ZC3H12B: variants seen among roughly 807,000 people sequenced by gnomAD.
ZC3H12B encodes zinc finger CCCH-type containing 12B.
In ZC3H12B, 7 loss-of-function variants were observed where a neutral mutation model predicts 43.9. The ratio of observed to expected loss-of-function variants is 0.16; its 90% CI spans 0.09 to 0.30. The LOEUF is 0.30. ZC3H12B is among the 10% of genes least tolerant of loss of function. The probability of loss-of-function intolerance (pLI) is 1.00; values close to 1 mark genes in which losing one functional copy is unlikely to be tolerated. For missense variants in ZC3H12B, 475 were observed against 670.2 expected (o/e 0.71, Z 3.22); for synonymous variants, 222 against 241.7 (o/e 0.92, Z 0.76).
intron 1 of ZC3H12B, among the ~76,000 whole-genome samples, chrX:65,490,046 A>G (rs754065249): frequency 8.9e-6 from 1 of 111,888 alleles, no homozygotes; most frequent in African/African-American, 3.2e-5. Context: ...TTCTGATTCC[A>G]ATGATGATCT....
chrX:65,448,829 G>T (rs978475683), intron 3 of ZC3H12B, among the ~76,000 whole-genome samples: 1 of 92,132 alleles, frequency 1.1e-5, no homozygotes, highest in Non-Finnish European at 2.1e-5. Flanking sequence ...AGAAGAAAAA[G>T]AAAGAAAGAG....
At chrX:65,445,692 G>A (rs1381929506) in intron 3 of ZC3H12B, among the ~76,000 whole-genome samples, 1 of 112,349 alleles carries the variant, frequency 8.9e-6, no homozygotes, top group Non-Finnish European at 1.9e-5. Context: ...GGGCTCTTTA[G>A]TTGGCAGTTG....
chrX:65,320,309 G>A, the ZC3H12B span, among the ~76,000 whole-genome samples: 1 of 111,109 alleles, frequency 9.0e-6, no homozygotes, highest in East Asian at 2.8e-4. Flanking sequence ...TCCACAAAAA[G>A]ATTAAAATAC....
At chrX:65,255,101 A>AAG in the ZC3H12B span, among the ~76,000 whole-genome samples, 1 of 111,822 alleles carries the variant, frequency 8.9e-6, no homozygotes, top group African/African-American at 3.2e-5. Flanking sequence ...AACGTCCCTG[A>AAG]AGAGAGAGAG....
At chrX:65,140,525 T>A in the ZC3H12B span, among the ~76,000 whole-genome samples, 1 of 112,045 alleles carries the variant, frequency 8.9e-6, no homozygotes, top group African/African-American at 3.2e-5. Flanking sequence ...TTTTTACATC[T>A]ATGTTCATCA....
the ZC3H12B span, among the ~76,000 whole-genome samples, chrX:65,240,744 G>A: frequency 8.9e-6 from 1 of 112,035 alleles, no homozygotes; most frequent in Non-Finnish European, 1.9e-5. Context: ...CCTATGAATG[G>A]GATATTTGTA....
chrX:65,122,357 G>A, the ZC3H12B span, among the ~76,000 whole-genome samples: 1 of 110,896 alleles, frequency 9.0e-6, no homozygotes, highest in Non-Finnish European at 1.9e-5. Context: ...TCACCACCAG[G>A]CCTGCCCTGA....
chrX:65,489,679 T>C (rs192991308), intron 1 of ZC3H12B, among the ~76,000 whole-genome samples: 25 of 112,121 alleles, frequency 2.2e-4, no homozygotes, highest in Admixed American at 1.9e-3. Flanking sequence ...GTTCCTTTTG[T>C]GGTCTGCTGT....
At chrX:65,094,998 G>T in the ZC3H12B span, among the ~76,000 whole-genome samples, 1 of 112,002 alleles carries the variant, frequency 8.9e-6, no homozygotes, top group African/African-American at 3.2e-5. Context: ...AATGAATGAA[G>T]TGAGCTTTTC....
chrX:65,369,411 T>C (rs1216291203), intron 2 of ZC3H12B, among the ~76,000 whole-genome samples: 1 of 111,972 alleles, frequency 8.9e-6, no homozygotes, highest in Non-Finnish European at 1.9e-5. Flanking sequence ...TTGCCTAAGA[T>C]CATATAGATA....
the ZC3H12B span, among the ~76,000 whole-genome samples, chrX:65,282,568 G>A: frequency 9.0e-6 from 1 of 110,656 alleles, no homozygotes; most frequent in Admixed American, 9.6e-5. Context: ...AACAGAATTC[G>A]TAGACAGCAA....
chrX:65,047,206 C>CA, the ZC3H12B span, among the ~76,000 whole-genome samples: 3 of 111,222 alleles, frequency 2.7e-5, no homozygotes, highest in Non-Finnish European at 3.8e-5. Flanking sequence ...AAACAAAAAA[C>CA]AAAAAACACA....
the ZC3H12B span, among the ~76,000 whole-genome samples, chrX:65,257,626 A>G: frequency 9.0e-6 from 1 of 111,215 alleles, no homozygotes; most frequent in African/African-American, 3.3e-5. Context: ...ACCTTTAAAA[A>G]AAAATAGACT....
chrX:65,124,964 T>A, the ZC3H12B span, among the ~76,000 whole-genome samples: 1 of 111,444 alleles, frequency 9.0e-6, no homozygotes, highest in East Asian at 2.8e-4. Flanking sequence ...TTTTGTAATT[T>A]TTTTGTTTTA....
At chrX:65,172,081 C>T in the ZC3H12B span, among the ~76,000 whole-genome samples, 1 of 112,518 alleles carries the variant, frequency 8.9e-6, no homozygotes, top group Non-Finnish European at 1.9e-5. Flanking sequence ...GTTGGAAATG[C>T]AGAAATCACT....
chrX:65,440,434 G>A (rs1233927693), intron 3 of ZC3H12B, among the ~76,000 whole-genome samples: 1 of 112,586 alleles, frequency 8.9e-6, no homozygotes. Context: ...ATCAAAAGCA[G>A]TGAATACCTC....
intron 3 of ZC3H12B, among the ~76,000 whole-genome samples, chrX:65,441,828 A>AC (rs2067305136): frequency 9.0e-6 from 1 of 110,825 alleles, no homozygotes; most frequent in Admixed American, 9.6e-5. Flanking sequence ...CGGAGGACAG[A>AC]CATTGTACAG....
chrX:65,267,031 G>A, the ZC3H12B span, among the ~76,000 whole-genome samples: 3 of 110,345 alleles, frequency 2.7e-5, no homozygotes, highest in South Asian at 7.7e-4. Flanking sequence ...CACATGCTCA[G>A]AAAAGGCCTG....
the ZC3H12B span, among the ~76,000 whole-genome samples, chrX:65,054,428 G>C: frequency 9.1e-6 from 1 of 109,933 alleles, no homozygotes; most frequent in Admixed American, 9.8e-5. Flanking sequence ...TAGATATGTG[G>C]CATTATTTCT....
Sources: allele counts gnomAD v4.1 joint callset (sites outside exome capture counted in the v4.1 genomes callset), GRCh38; gene constraint gnomAD v4.1.1; transcripts MANE v1.5; gene names NCBI Gene and HGNC (gene_info 2026-07-23, HGNC 2026-07-21).